PDSS1: variants seen among roughly 807,000 people sequenced by gnomAD.
PDSS1 encodes all trans-polyprenyl-diphosphate synthase PDSS1.
Under a neutral mutation model 57.5 loss-of-function variants are expected in PDSS1, and 43 were observed. That is an observed-to-expected ratio of 0.75 (90% CI 0.59 to 0.96). The LOEUF is 0.96. Among genes scored for constraint, PDSS1 ranks in the 50% least tolerant of loss-of-function variants. The pLI, the probability that PDSS1 is intolerant of heterozygous loss-of-function variation, is 0.00. For missense variants in PDSS1, 438 were observed against 527.8 expected (o/e 0.83, Z 1.67); for synonymous variants, 175 against 191.3 (o/e 0.91, Z 0.70).
At chr10:26,741,293 T>A (rs890431819) in intron 10 of PDSS1, among the ~76,000 whole-genome samples, 1 of 152,184 alleles carries the variant, frequency 6.6e-6, no homozygotes, top group African/African-American at 2.4e-5. Context: ...GAGACCAGCC[T>A]GGCCAATATG....
intron 6 of PDSS1, 56 bp downstream of exon 6, chr10:26,720,415 C>T (rs1835746724): frequency 1.8e-6 from 2 of 1,138,190 alleles, no homozygotes; most frequent in African/African-American, 1.5e-5. Flanking sequence ...ACTTTTCGGA[C>T]CGCATTTGTT....
At chr10:26,706,296 C>T (rs1047776671) in intron 4 of PDSS1, among the ~76,000 whole-genome samples, 65 of 152,288 alleles carry the variant, frequency 4.3e-4, no homozygotes, top group Middle Eastern at 3.4e-3. Context: ...TGGCTGGGCA[C>T]GGTGGATCAC....
At chr10:26,703,848 A>C (rs982566025) in intron 2 of PDSS1, among the ~76,000 whole-genome samples, 1 of 99,680 alleles carries the variant, frequency 1.0e-5, no homozygotes, top group African/African-American at 4.8e-5. Context: ...TTGGGAGGCC[A>C]AGGCGGGCGG....
rs1296537024 is a variant in PDSS1 at position 26,723,699 on chromosome 10, G to A, written c.610-107G>A. 3.7e-6 allele frequency: 3 copies of A among 801,236 alleles called. No individual in the cohort carries two copies. The South Asian group carries it at 4.0e-5, about 11-fold the overall frequency. The allele number at this position is 801,236 out of a possible 1,614,324, so 49.6% of individuals were successfully genotyped here. Reference sequence around the variant, plus strand: ...AGAAGGTAAAAAACCCTGCATCCAAGATGAGCCCCCACTTCCACGAAGCTC... The same window carrying A: ...AGAAGGTAAAAAACCCTGCATCCAAAATGAGCCCCCACTTCCACGAAGCTC... On this transcript the variant is annotated intron_variant, in intron 6 of 11. Coordinates refer to ENST00000376215, the MANE Select transcript of PDSS1 (RefSeq NM_014317.5).
At position 26,736,646 on chromosome 10, in the gene PDSS1, A is replaced by G. The variant is rs533356138; in HGVS notation, c.1026+1067A>G. 2.6e-5 allele frequency among the ~76,000 whole-genome samples: 4 copies of G among 151,458 alleles called. No individual in the cohort carries two copies. The South Asian group carries it at 8.3e-4, about 32-fold the overall frequency. Reference sequence around the variant, plus strand: ...GCATGATTCTTCCCAGGGGAGGCTGACGTTCTGGGTGGCTGGACCAGGCTA... The same window carrying G: ...GCATGATTCTTCCCAGGGGAGGCTGGCGTTCTGGGTGGCTGGACCAGGCTA... On this transcript the variant is annotated intron_variant, in intron 10 of 11. Coordinates refer to ENST00000376215, the MANE Select transcript of PDSS1 (RefSeq NM_014317.5).
chr10:26,735,716 G>T (rs1836372887), intron 10 of PDSS1, 137 bp downstream of exon 10: 1 of 704,874 alleles, frequency 1.4e-6, no homozygotes, highest in South Asian at 1.5e-5. Context: ...GTCTGCATTT[G>T]ATCCTGGCTG....
At chr10:26,725,767 A>G (rs1057217396) in intron 8 of PDSS1, among the ~76,000 whole-genome samples, 1 of 152,184 alleles carries the variant, frequency 6.6e-6, no homozygotes, top group African/African-American at 2.4e-5. Flanking sequence ...TCACAATTTG[A>G]GACTGCAAAC....
In PDSS1 at chr10:26,712,623, G is replaced by A. The variant is rs1016177977; in HGVS notation, c.467+2855G>A. 1.6e-3 allele frequency among the ~76,000 whole-genome samples: 159 copies of A among 99,030 alleles called. 50 individuals carry two copies. Among genetic ancestry groups the A allele is most frequent in the African/African-American group, 5.1e-3 (155 of 30,452 alleles). The allele number at this position is 99,030 out of a possible 152,430, so 65.0% of individuals were successfully genotyped here. A position where few individuals can be genotyped will look rare whatever the true frequency, so the allele number is the denominator to read the frequency against. On this transcript the variant is annotated intron_variant, in intron 5 of 11. Transcript: ENST00000376215. ...TGCTTTCTGTGGACTCTTCTGGATCGGGCACTTAAAGGACTAAATATGTAG... is the reference window on the plus strand; with the variant it reads ...TGCTTTCTGTGGACTCTTCTGGATCAGGCACTTAAAGGACTAAATATGTAG...
chr10:26,697,798 G>A lies in PDSS1; in HGVS notation c.87G>A (p.Ala29=), dbSNP rs1389247201. Residue 29 remains alanine (A), a synonymous_variant, in exon 1 of 12, where the codon GCG becomes GCA. Transcript: ENST00000376215. ...CCGGGCCCGGCTCCCCCGGCCGTGCGGGACCGTTGGGGCCGAGCGCCGCTG... is the reference window on the plus strand; with the variant it reads ...CCGGGCCCGGCTCCCCCGGCCGTGCAGGACCGTTGGGGCCGAGCGCCGCTG... ...RSPGPGSPGR[A]GPLGPSAAAE... is the part of the protein sequence containing the mutation. 1.6e-5 allele frequency: 21 copies of A among 1,339,686 alleles called. No individual in the cohort carries two copies. The highest frequency in any genetic ancestry group is 1.9e-5 in the Non-Finnish European group (20 of 1,043,702). 83.0% of individuals were successfully genotyped at this position (1,339,686 alleles called of 1,614,324 possible). A position where few individuals can be genotyped will look rare whatever the true frequency, so the allele number is the denominator to read the frequency against.
chr10:26,702,518 C>CT (rs1459889085), intron 2 of PDSS1, among the ~76,000 whole-genome samples: 1 of 152,196 alleles, frequency 6.6e-6, no homozygotes, highest in Non-Finnish European at 1.5e-5. Flanking sequence ...CTCCTTCCTG[C>CT]TGCCTAGTGA....
intron 10 of PDSS1, among the ~76,000 whole-genome samples, chr10:26,741,099 G>A (rs1836585799): frequency 6.6e-6 from 1 of 151,968 alleles, no homozygotes; most frequent in African/African-American, 2.4e-5. Context: ...ATACCAGGGT[G>A]GGCGGGAGGA....
Position 26,709,637 on chromosome 10 carries a change from G to C in PDSS1, c.337-1G>C. 1 of 1,613,734 alleles carries C rather than the reference G, an allele frequency of 6.2e-7. No homozygotes were observed. The highest frequency in any genetic ancestry group is 8.5e-7 in the Non-Finnish European group (1 of 1,179,708). Reference sequence around the variant, plus strand: ...TGTGACACAGAGAAACTTTATTTCAGGAACTGCTTATATCAACATCAGAAC... The same window carrying C: ...TGTGACACAGAGAAACTTTATTTCACGAACTGCTTATATCAACATCAGAAC... On this transcript the variant is annotated splice_acceptor_variant, in intron 4 of 11. Transcript: ENST00000376215. LOFTEE classifies it high-confidence loss of function.
chr10:26,699,754 G>A (rs1359973329), intron 1 of PDSS1, among the ~76,000 whole-genome samples: 1 of 152,114 alleles, frequency 6.6e-6, no homozygotes, highest in African/African-American at 2.4e-5. Context: ...CAGGGAAAGT[G>A]TGCTTTTCTG....
chr10:26,735,426 C>T (rs372727073), intron 9 of PDSS1, 40 bp from the exon 10 acceptor site: 36 of 1,417,526 alleles, frequency 2.5e-5, no homozygotes, highest in Non-Finnish European at 3.2e-5. Flanking sequence ...GCAGTGTTGG[C>T]ATGGCGGTGC....
intron 5 of PDSS1, among the ~76,000 whole-genome samples, chr10:26,714,283 G>A (rs968565031): frequency 6.6e-6 from 1 of 152,098 alleles, no homozygotes; most frequent in African/African-American, 2.4e-5. Context: ...AGGCTAGCCT[G>A]GCCAACATGG....
intron 11 of PDSS1, among the ~76,000 whole-genome samples, chr10:26,745,291 G>T (rs1007102385): frequency 4.6e-5 from 7 of 152,188 alleles, no homozygotes; most frequent in African/African-American, 1.4e-4. Flanking sequence ...TACTTTATTA[G>T]TATTTGGCTT....
intron 6 of PDSS1, 141 bp from the exon 7 acceptor site, chr10:26,723,665 T>G (rs1835856286): frequency 1.4e-6 from 1 of 730,502 alleles, no homozygotes; most frequent in East Asian, 2.5e-5. Flanking sequence ...GGACTCCTGT[T>G]GAGGAAGAAG....
intron 8 of PDSS1, among the ~76,000 whole-genome samples, chr10:26,734,472 T>A (rs772065344): frequency 5.3e-5 from 8 of 152,236 alleles, no homozygotes; most frequent in Non-Finnish European, 1.0e-4. Flanking sequence ...AGCAGGGCAC[T>A]GGGAAATGCA....
rs1588720745 is a variant in PDSS1, at chr10:26,746,783, A to AATG, written c.*311_*313dup. 7.3e-6 allele frequency: 3 copies of AATG among 410,346 alleles called. No individual in the cohort carries two copies. Among genetic ancestry groups the AATG allele is most frequent in the Non-Finnish European group, 1.4e-5 (3 of 220,140 alleles). 25.4% of individuals were successfully genotyped at this position (410,346 alleles called of 1,614,324 possible). On this transcript the variant is annotated 3_prime_UTR_variant, in exon 12 of 12. Coordinates refer to ENST00000376215, the MANE Select transcript of PDSS1 (RefSeq NM_014317.5). ...AAGGCCATTACACAAATAAATAACC[A>AATG]ATGTTAAAATTCAAATGGTTTGTCT...
Sources: allele counts gnomAD v4.1 joint callset (sites outside exome capture counted in the v4.1 genomes callset), GRCh38; gene constraint gnomAD v4.1.1; transcripts MANE v1.5; gene names NCBI Gene and HGNC (gene_info 2026-07-23, HGNC 2026-07-21).